ZNF432: variants seen among roughly 807,000 people sequenced by gnomAD.
ZNF432 encodes the protein zinc finger protein 432.
In ZNF432, 10 loss-of-function variants were observed where a neutral mutation model predicts 13.9. That is an observed-to-expected ratio of 0.72 (90% CI 0.44 to 1.22). ZNF432 has a LOEUF of 1.22. Among genes scored for constraint, ZNF432 ranks in the 50% most tolerant of loss-of-function variants. ZNF432 has a pLI of 0.00. For missense variants in ZNF432, 793 were observed against 796.2 expected (o/e 1.00, Z 0.05); for synonymous variants, 247 against 256.2 (o/e 0.96, Z 0.34).
At position 52,033,481 on chromosome 19, in the gene ZNF432, T is replaced by TCC. The variant is rs796107258; in HGVS notation, c.*237_*238dup. ...TTGACAAATGAAAGGTTACCCCCAA[T>TCC]CCACAGACTCTCTCTCAGATGAGTA... On this transcript the variant is annotated 3_prime_UTR_variant, in exon 5 of 5. Transcript: ENST00000221315. 53 of 461,372 alleles carry TCC rather than the reference T, an allele frequency of 1.1e-4. No individual in the cohort carries two copies. The highest frequency in any genetic ancestry group is 1.0e-3 in the African/African-American group (52 of 50,908). The allele number at this position is 461,372 out of a possible 1,614,324, so 28.6% of individuals were successfully genotyped here.
intron 2 of ZNF432, among the ~76,000 whole-genome samples, chr19:52,045,352 CTTTTTTTTT>C (rs11433756): frequency 1.9e-5 from 2 of 107,556 alleles, no homozygotes; most frequent in African/African-American, 7.6e-5. Context: ...CTTTTTTTAC[CTTTTTTTTT>C]TTTTTTTTTT....
chr19:52,041,630 T>A, intron 2 of ZNF432, 24 bp from the exon 3 acceptor site: 1 of 1,613,892 alleles, frequency 6.2e-7, no homozygotes, highest in Non-Finnish European at 8.5e-7. Context: ...GAGCCTTGCT[T>A]AATAGGAAGT....
At position 52,035,002 on chromosome 19, in the gene ZNF432, ACT is replaced by A; in HGVS notation, c.675_676del (p.Arg225SerfsTer25). The stretch of plus-strand genomic sequence containing the variant: ...TCCATAAGGTTTTTCTCCTGTATGA[ACT>A]CTCTCATGATCAGTGAGCTGAGACT... On this transcript the variant is annotated frameshift_variant, in exon 5 of 5. Coordinates refer to ENST00000221315, the MANE Select transcript of ZNF432 (RefSeq NM_014650.4). LOFTEE classifies it low-confidence loss of function (END_TRUNC). 1 of 1,613,582 alleles carries A rather than the reference ACT, an allele frequency of 6.2e-7. No homozygotes were observed. Among genetic ancestry groups the A allele is most frequent in the Non-Finnish European group, 8.5e-7 (1 of 1,179,850 alleles).
intron 1 of ZNF432, among the ~76,000 whole-genome samples, chr19:52,047,687 A>ACG (rs59660190): frequency 6.7e-6 from 1 of 148,286 alleles, no homozygotes; most frequent in Non-Finnish European, 1.5e-5. Flanking sequence ...AAAAAAAAAA[A>ACG]TGTTTATATA....
chr19:52,037,790 A>AG (rs35659575), intron 4 of ZNF432, among the ~76,000 whole-genome samples: 21,297 of 87,350 alleles, frequency 0.24, 1,503 homozygotes, highest in South Asian at 0.45. Context: ...ACTCTACCTT[A>AG]AAAAAAAAAA....
intron 4 of ZNF432, among the ~76,000 whole-genome samples, chr19:52,035,824 C>T (rs7254254): frequency 0.45 from 69,188 of 152,072 alleles, 18,301 homozygotes; most frequent in African/African-American, 0.72. Flanking sequence ...TGAGCTACCA[C>T]ACCTGGCCAG....
rs1207934881 is a variant in ZNF432, at chr19:52,031,923, G to C, written c.*1797C>G. 1 of 152,210 alleles carries C rather than the reference G, an allele frequency of 6.6e-6. No individual in the cohort carries two copies. Among genetic ancestry groups the C allele is most frequent in the Non-Finnish European group, 1.5e-5 (1 of 68,050 alleles). The allele number at this position is 152,210 out of a possible 1,614,324, so 9.4% of individuals were successfully genotyped here. On this transcript the variant is annotated 3_prime_UTR_variant, in exon 5 of 5. Transcript: ENST00000221315. ...TGAGGCAGGAAAATCTCTTGAACCT[G>C]GGAGGCGGGGTTGCAGTGAGCCAAG... is the stretch of plus-strand genomic sequence containing the variant.
intron 4 of ZNF432, among the ~76,000 whole-genome samples, chr19:52,037,398 T>G (rs1236382382): frequency 6.6e-6 from 1 of 152,250 alleles, no homozygotes; most frequent in African/African-American, 2.4e-5. Context: ...TAGGGAATTT[T>G]GCAACTGGCC....
intron 1 of ZNF432, among the ~76,000 whole-genome samples, chr19:52,047,571 G>A (rs1034186541): frequency 2.0e-5 from 3 of 151,878 alleles, no homozygotes; most frequent in Non-Finnish European, 2.9e-5. Flanking sequence ...CCAGCTACTC[G>A]GAGACTGAGG....
chr19:52,040,981 G>A (rs1281147146), intron 3 of ZNF432, among the ~76,000 whole-genome samples: 1 of 151,682 alleles, frequency 6.6e-6, no homozygotes, highest in African/African-American at 2.4e-5. Context: ...GTTTGCACCT[G>A]TAGGCATAGT....
chr19:52,041,555 GCCA>G lies in ZNF432; in HGVS notation c.64_66del (p.Trp22del). The G allele has an allele frequency of 6.2e-7, 1 of 1,613,438 alleles. No homozygotes were observed. Among genetic ancestry groups the G allele is most frequent in the Non-Finnish European group, 8.5e-7 (1 of 1,179,726 alleles). ...TCCTTCTGAAAAGGGCCCAGGAGCT[GCCA>G]CTCCTCCCAGGTGAACTCCACAGTA... On this transcript the variant is annotated inframe_deletion, in exon 3 of 5. Transcript: ENST00000221315.
chr19:52,043,427 G>A (rs1455554106), intron 2 of ZNF432, among the ~76,000 whole-genome samples: 2 of 152,108 alleles, frequency 1.3e-5, no homozygotes, highest in East Asian at 1.9e-4. Context: ...CAAACACTGC[G>A]GAAGGCCGCA....
At position 52,034,738 on chromosome 19, in the gene ZNF432, T is replaced by C; in HGVS notation, c.941A>G (p.Glu314Gly). 6.2e-7 allele frequency: 1 copy of C among 1,613,500 alleles called. No individual in the cohort carries two copies. Among genetic ancestry groups the C allele is most frequent in the South Asian group, 1.1e-5 (1 of 90,936 alleles). ...ACATTCACTACATATATAGGATTTC[T>C]CTCCAGTATGATTTCGCTGATGTAC... ...LIVHQRNHTG[E>G]KSYICSECGK... Residue 314 changes from glutamate (E) to glycine (G), a missense_variant, in exon 5 of 5, where the codon GAG becomes GGG. Transcript: ENST00000221315.
rs376382553 is a variant in ZNF432 at position 52,045,372 on chromosome 19, T to C, written c.15+1482A>G. Among the ~76,000 whole-genome samples, 427 of 142,706 alleles carry C rather than the reference T, an allele frequency of 3.0e-3. 1 individual carries two copies. The highest frequency in any genetic ancestry group is 4.7e-3 in the Admixed American group (66 of 13,904). 93.6% of individuals were successfully genotyped at this position (142,706 alleles called of 152,430 possible). On this transcript the variant is annotated intron_variant, in intron 2 of 4. Transcript: ENST00000221315. Reference sequence around the variant, plus strand: ...TTTACCTTTTTTTTTTTTTTTTTTTTCGAGACGGAGTTTCGCTCTTGTTGC... The same window carrying C: ...TTTACCTTTTTTTTTTTTTTTTTTTCCGAGACGGAGTTTCGCTCTTGTTGC...
At chr19:52,039,898 T>G (rs945318179) in intron 4 of ZNF432, among the ~76,000 whole-genome samples, 15 of 150,728 alleles carry the variant, frequency 1.0e-4, no homozygotes, top group African/African-American at 3.4e-4. Flanking sequence ...GCTGGGGGCT[T>G]GGAAACAATT....
chr19:52,034,165 C>A lies in ZNF432; in HGVS notation c.1514G>T (p.Arg505Leu). The change falls in exon 5 of 5, where the codon CGA (arginine) becomes CTA (leucine). Residue 505 changes from arginine to leucine, a missense_variant. By Grantham distance (102) the Arg-to-Leu change is moderately radical. Transcript: ENST00000221315. ...GTACGGTTTCTCTCCAGTATGAGTT[C>A]GCTGATGTAACATCAGTCCGCTATT... ...IVNSGLMLHQ[R>L]THTGEKPYIC... 6.2e-7 allele frequency: 1 copy of A among 1,614,064 alleles called. No individual in the cohort carries two copies. The highest frequency in any genetic ancestry group is 1.7e-5 in the Admixed American group (1 of 60,006).
rs149458179 is a variant in ZNF432 at position 52,034,849 on chromosome 19, A to G, written c.830T>C (p.Ile277Thr). 1.3e-5 allele frequency: 21 copies of G among 1,613,736 alleles called. No homozygotes were observed. Among genetic ancestry groups the G allele is most frequent in the Non-Finnish European group, 1.7e-5 (20 of 1,179,870 alleles). The change falls in exon 5 of 5, where the codon ATT (isoleucine) becomes ACT (threonine). Residue 277 changes from isoleucine to threonine, a missense_variant. Physicochemically the swap from Ile to Thr is moderately conservative, Grantham distance 89 (BLOSUM62 -1). Transcript: ENST00000221315. ...GKVFTMKSRL[I>T]EHQRTHTGEK... ...TCCAGTATGAGTTCGCTGATGTTCA[A>G]TCAGACGGCTCTTCATAGTGAAGAC...
At chr19:52,048,182 C>CAAAA (rs910956223) in intron 1 of ZNF432, among the ~76,000 whole-genome samples, 5 of 146,316 alleles carry the variant, frequency 3.4e-5, no homozygotes, top group African/African-American at 1.3e-4. Context: ...CACACACACA[C>CAAAA]AAAACCAGCC....
rs998475257 is a variant in ZNF432 at position 52,043,842 on chromosome 19, C to A, written c.16-2236G>T. Among the ~76,000 whole-genome samples, 5 of 152,298 alleles carry A rather than the reference C, an allele frequency of 3.3e-5. No individual in the cohort carries two copies. The East Asian group carries it at 5.8e-4, about 18-fold the overall frequency. ...TCTATGATGCAAAGACCTTTGTTCA[C>A]GTGTTTGTCTGCTGACCCTCTCCCC... On this transcript the variant is annotated intron_variant, in intron 2 of 4. Transcript: ENST00000221315.
Sources: gnomAD v4.1 joint callset for allele counts (sites outside exome capture counted in the v4.1 genomes callset) on GRCh38, gnomAD v4.1.1 for gene constraint, MANE v1.5 for transcripts, NCBI Gene and HGNC (gene_info 2026-07-23, HGNC 2026-07-21) for gene names.